Variants in ARHGEF10L observed in about 807,000 individuals in gnomAD.
The protein encoded by ARHGEF10L is Rho guanine nucleotide exchange factor 10 like.
Under a neutral mutation model 141.2 loss-of-function variants are expected in ARHGEF10L, and 69 were observed. The observed-to-expected ratio is 0.49, with a 90% confidence interval of 0.40 to 0.60. The LOEUF is 0.60. Ranked by LOEUF, ARHGEF10L falls within the 20% of genes least tolerant of loss-of-function variation. ARHGEF10L has a pLI of 0.00. For missense variants in ARHGEF10L, 1,482 were observed against 1,734.3 expected, an observed-to-expected ratio of 0.85 and a Z score of 2.58; for synonymous variants, 711 against 718.5, an observed-to-expected ratio of 0.99 and a Z score of 0.17.
chr1:17,684,866 T>G (rs6679957), intron 26 of ARHGEF10L, among the ~76,000 whole-genome samples: 25,184 of 152,088 alleles, frequency 0.17, 2,248 homozygotes, highest in African/African-American at 0.2. Context: ...GCCTGGCCTT[T>G]CCTGCTACCC....
At chr1:17,616,645 G>T (rs544645661) in intron 9 of ARHGEF10L, among the ~76,000 whole-genome samples, 8 of 152,260 alleles carry the variant, frequency 5.3e-5, no homozygotes, top group Non-Finnish European at 1.0e-4. Context: ...TATCAGCAGT[G>T]CCTCTGGGGC....
At chr1:17,527,723 G>C in the ARHGEF10L span, among the ~76,000 whole-genome samples, 1 of 151,134 alleles carries the variant, frequency 6.6e-6, no homozygotes, top group Non-Finnish European at 1.5e-5. Context: ...TCTCTGCTTT[G>C]CCTGGAATCC....
chr1:17,533,856 A>C, the ARHGEF10L span, among the ~76,000 whole-genome samples: 3 of 152,184 alleles, frequency 2.0e-5, no homozygotes, highest in Admixed American at 2.0e-4. Flanking sequence ...GATGTAGTAC[A>C]TAACAAAGAC....
Position 17,654,212 on chromosome 1 carries a change from C to T in ARHGEF10L, c.2395-424C>T, listed in dbSNP as rs2102008512. On this transcript the variant is annotated intron_variant, in intron 22 of 28. Transcript: ENST00000361221. The surrounding 1 kb of genome is among the most constrained non-coding windows in gnomAD (Gnocchi z 4.3). ...AGGTGGTTACTGGTGACAGCGGTGA[C>T]AGGCTGAGCCCTGGTTTCTGTGCGT... 6.6e-6 allele frequency among the ~76,000 whole-genome samples: 1 copy of T among 152,328 alleles called. No individual in the cohort carries two copies. Among genetic ancestry groups the T allele is most frequent in the African/African-American group, 2.4e-5 (1 of 41,566 alleles).
Position 17,673,959 on chromosome 1 carries a change from C to T in ARHGEF10L, c.3009+9364C>T, listed in dbSNP as rs1285789219. On this transcript the variant is annotated intron_variant, in intron 26 of 28. Coordinates refer to ENST00000361221, the MANE Select transcript of ARHGEF10L (RefSeq NM_018125.4). This position sits in a 1 kb window ranked among gnomAD's most constrained non-coding sequence, Gnocchi z 4.1. Reference sequence around the variant, plus strand: ...TGGTGGAGCCAGGATCTCAGGGTGCCTCTGATTCTGAAGCCCCCACCTGGT... The same window carrying T: ...TGGTGGAGCCAGGATCTCAGGGTGCTTCTGATTCTGAAGCCCCCACCTGGT... Among the ~76,000 whole-genome samples, 2 of 152,124 alleles carry T rather than the reference C, an allele frequency of 1.3e-5. No homozygotes were observed. The highest frequency in any genetic ancestry group is 2.9e-5 in the Non-Finnish European group (2 of 68,020).
rs1441782538 is a variant in ARHGEF10L, at chr1:17,673,271, C to A, written c.3009+8676C>A. 6.6e-6 allele frequency among the ~76,000 whole-genome samples: 1 copy of A among 152,084 alleles called. No individual in the cohort carries two copies. The highest frequency in any genetic ancestry group is 2.4e-5 in the African/African-American group (1 of 41,404). On this transcript the variant is annotated intron_variant, in intron 26 of 28. Transcript: ENST00000361221. This position sits in a 1 kb window ranked among gnomAD's most constrained non-coding sequence, Gnocchi z 4.1. ...CCAGTCTTAGCTGGTAGCAGCCAGC[C>A]CCCGATCCTCGCCTCCCCTCCACTC... is the stretch of plus-strand genomic sequence containing the variant.
chr1:17,643,467 A>G (rs1006669454), intron 21 of ARHGEF10L, among the ~76,000 whole-genome samples: 1 of 152,094 alleles, frequency 6.6e-6, no homozygotes, highest in African/African-American at 2.4e-5. Flanking sequence ...CCATCCTGAG[A>G]CCCAGTTTTC....
At chr1:17,604,263 A>T (rs143844248) in intron 6 of ARHGEF10L, among the ~76,000 whole-genome samples, 1 of 152,218 alleles carries the variant, frequency 6.6e-6, no homozygotes, top group Non-Finnish European at 1.5e-5. Flanking sequence ...CCCCAGTTCA[A>T]TGCTCTGTCC....
intron 15 of ARHGEF10L, among the ~76,000 whole-genome samples, chr1:17,628,156 G>A (rs533867656): frequency 6.0e-4 from 91 of 152,210 alleles, no homozygotes; most frequent in African/African-American, 2.1e-3. Context: ...TGGCCAACAT[G>A]GTGAAACCTT....
rs142425554 is a variant in ARHGEF10L at position 17,617,638 on chromosome 1, T to C, written c.835+1436T>C. 3.8e-4 allele frequency among the ~76,000 whole-genome samples: 58 copies of C among 152,322 alleles called. No individual in the cohort carries two copies. The East Asian group carries it at 0.011, about 28-fold the overall frequency. On this transcript the variant is annotated intron_variant, in intron 9 of 28. Coordinates refer to ENST00000361221, the MANE Select transcript of ARHGEF10L (RefSeq NM_018125.4). ...TGCCTGCCCTCGGCACATGGCCTGA[T>C]GCAGCAGAAGGAACACAGGCCTCGA...
intron 9 of ARHGEF10L, chr1:17,618,442 G>A (rs762107944): frequency 6.2e-5 from 94 of 1,516,930 alleles, no homozygotes; most frequent in East Asian, 1.0e-4. Context: ...ATGTGGGCCC[G>A]GCAGGAGGGT....
chr1:17,532,813 T>C, the ARHGEF10L span, among the ~76,000 whole-genome samples: 1 of 152,140 alleles, frequency 6.6e-6, no homozygotes, highest in African/African-American at 2.4e-5. Flanking sequence ...CAGGCTCGTC[T>C]TGAACTCCTG....
chr1:17,561,095 T>C (rs1003443814), intron 1 of ARHGEF10L, among the ~76,000 whole-genome samples: 11 of 152,234 alleles, frequency 7.2e-5, no homozygotes, highest in African/African-American at 2.7e-4. Flanking sequence ...CAAGCCTTAC[T>C]TCAGAGTGCA....
chr1:17,559,860 C>T (rs1230781277), intron 1 of ARHGEF10L, among the ~76,000 whole-genome samples: 1 of 152,034 alleles, frequency 6.6e-6, no homozygotes, highest in Non-Finnish European at 1.5e-5. Context: ...GGTCTGGGTG[C>T]CTGGGAGAGA....
At position 17,656,854 on chromosome 1, in the gene ARHGEF10L, C is replaced by CA; in HGVS notation, c.2860+146_2860+147insA. The CA allele has an allele frequency of 2.9e-6, 3 of 1,043,572 alleles. No homozygotes were observed. The highest frequency in any genetic ancestry group is 4.0e-6 in the Non-Finnish European group (3 of 744,288). The allele number at this position is 1,043,572 out of a possible 1,614,324, so 64.6% of individuals were successfully genotyped here. On this transcript the variant is annotated intron_variant, in intron 25 of 28. Coordinates refer to ENST00000361221, the MANE Select transcript of ARHGEF10L (RefSeq NM_018125.4). The surrounding 1 kb of genome is among the most constrained non-coding windows in gnomAD (Gnocchi z 4.9). The stretch of plus-strand genomic sequence containing the variant: ...AGGGCATTTGGAGATCCGTGAGCCC[C>CA]GCTGGGGTTCAATGGGTGGTCCCCC...
rs1320478764 is a variant in ARHGEF10L at position 17,619,463 on chromosome 1, G to T, written c.942+18G>T. On this transcript the variant is annotated intron_variant, in intron 10 of 28. Transcript: ENST00000361221. The surrounding 1 kb of genome is among the most constrained non-coding windows in gnomAD (Gnocchi z 5.0). ...CTCAGCAGGTCTGTGGGGGAGTGGG[G>T]CAGGTGGGGGTCTGCAGGGGAAGGG... is the stretch of plus-strand genomic sequence containing the variant. The T allele has an allele frequency of 6.4e-7, 1 of 1,568,868 alleles. No homozygotes were observed. Among genetic ancestry groups the T allele is most frequent in the South Asian group, 1.2e-5 (1 of 85,972 alleles).
At chr1:17,596,825 G>T (rs1389044071) in intron 4 of ARHGEF10L, among the ~76,000 whole-genome samples, 2 of 152,226 alleles carry the variant, frequency 1.3e-5, no homozygotes, top group Non-Finnish European at 2.9e-5. Flanking sequence ...TCCGAGGCAG[G>T]TGGGTCACCT....
intron 4 of ARHGEF10L, among the ~76,000 whole-genome samples, chr1:17,593,655 T>C (rs930492655): frequency 2.6e-5 from 4 of 152,118 alleles, no homozygotes; most frequent in Non-Finnish European, 5.9e-5. Flanking sequence ...GAAACCTCGC[T>C]TTTAGTGAGA....
intron 26 of ARHGEF10L, among the ~76,000 whole-genome samples, chr1:17,674,560 G>A (rs2063523586): frequency 1.3e-5 from 2 of 152,222 alleles, no homozygotes; most frequent in Non-Finnish European, 2.9e-5. Context: ...GGGAGTGAGA[G>A]CGGGGTGGGC....
Sources: gnomAD v4.1 joint callset for allele counts (sites outside exome capture counted in the v4.1 genomes callset) on GRCh38, gnomAD v4.1.1 for gene constraint, Gnocchi (gnomAD v3.1) non-coding constraint, MANE v1.5 for transcripts, NCBI Gene and HGNC (gene_info 2026-07-23, HGNC 2026-07-21) for gene names.